RPTOR: variants seen among roughly 807,000 people sequenced by gnomAD.
RPTOR encodes regulatory associated protein of MTOR complex 1, also known as regulatory-associated protein of mTOR.
In RPTOR, 21 loss-of-function variants were observed where a neutral mutation model predicts 169.9. The observed-to-expected ratio is 0.12, with a 90% CI of 0.09 to 0.18. The LOEUF (loss-of-function observed/expected upper bound fraction) is 0.18, where lower values mean the gene tolerates loss of function less well. RPTOR is among the 10% of genes least tolerant of loss of function. RPTOR has a pLI of 1.00. For synonymous variants in RPTOR, 732 were observed against 753.2 expected, an observed-to-expected ratio of 0.97 and a Z score of 0.46; for missense variants, 1,133 against 1,855.9, an observed-to-expected ratio of 0.61 and a Z score of 7.16.
intron 1 of RPTOR, among the ~76,000 whole-genome samples, chr17:80,604,144 G>A (rs2065211432): frequency 6.6e-6 from 1 of 152,176 alleles, no homozygotes; most frequent in African/African-American, 2.4e-5. Context: ...AGCGAATATT[G>A]ACATGTACAT....
intron 1 of RPTOR, among the ~76,000 whole-genome samples, chr17:80,581,101 A>G (rs2065009715): frequency 6.6e-6 from 1 of 152,184 alleles, no homozygotes; most frequent in Non-Finnish European, 1.5e-5. Context: ...GGAAGGCGTG[A>G]TTACTGAGTG....
intron 1 of RPTOR, among the ~76,000 whole-genome samples, chr17:80,595,036 GGA>G (rs34187919): frequency 0.3 from 45,538 of 150,474 alleles, 6,970 homozygotes; most frequent in Middle Eastern, 0.37. Flanking sequence ...GAACAAGAAG[GGA>G]GAGAGAGAGA....
intron 4 of RPTOR, among the ~76,000 whole-genome samples, chr17:80,717,605 G>A (rs2066250387): frequency 6.6e-6 from 1 of 152,168 alleles, no homozygotes; most frequent in South Asian, 2.1e-4. Flanking sequence ...CTGTTGCCGA[G>A]TCTTTCAGCC....
At chr17:80,894,528 C>A (rs1385083381) in intron 20 of RPTOR, among the ~76,000 whole-genome samples, 1 of 152,210 alleles carries the variant, frequency 6.6e-6, no homozygotes, top group Non-Finnish European at 1.5e-5. Context: ...TGCCTGGGTC[C>A]TACCACCAGG....
chr17:80,795,290 G>A (rs1889305738), intron 7 of RPTOR, among the ~76,000 whole-genome samples: 1 of 152,198 alleles, frequency 6.6e-6, no homozygotes, highest in Non-Finnish European at 1.5e-5. Flanking sequence ...GATTGAGTGA[G>A]GATTGAAAAA....
At chr17:80,865,024 T>C (rs1392081156) in intron 13 of RPTOR, among the ~76,000 whole-genome samples, 1 of 152,182 alleles carries the variant, frequency 6.6e-6, no homozygotes, top group Non-Finnish European at 1.5e-5. Flanking sequence ...GCAAAATGCA[T>C]GCTAACAGTA....
At chr17:80,816,984 C>T (rs1408352176) in intron 7 of RPTOR, among the ~76,000 whole-genome samples, 1 of 152,204 alleles carries the variant, frequency 6.6e-6, no homozygotes, top group Non-Finnish European at 1.5e-5. Flanking sequence ...GACACACCCT[C>T]ATAGAGCCTC....
intron 1 of RPTOR, among the ~76,000 whole-genome samples, chr17:80,598,882 T>TCTTTCTATCTATCTA (rs2065164189): frequency 6.8e-6 from 1 of 146,758 alleles, no homozygotes; most frequent in Non-Finnish European, 1.5e-5. Context: ...TCTTGATTCT[T>TCTTTCTATCTATCTA]TCTATCTATC....
rs149212550 is a variant in RPTOR at position 80,545,192 on chromosome 17, G to C, written c.-438G>C. On this transcript the variant is annotated 5_prime_UTR_variant, in exon 1 of 34. Transcript: ENST00000306801. ...CCCGATCCCTTGGCCGGAGACCTCA[G>C]CCCAGTCGGCCCAGTGGGCGAACCG... 4 of 235,404 alleles carry C rather than the reference G, an allele frequency of 1.7e-5. No homozygotes were observed. The highest frequency in any genetic ancestry group is 8.8e-5 in the African/African-American group (4 of 45,416). The allele number at this position is 235,404 out of a possible 1,614,324, so 14.6% of individuals were successfully genotyped here. A position where few individuals can be genotyped will look rare whatever the true frequency, so the allele number is the denominator to read the frequency against.
chr17:80,644,934 T>C (rs1196302065), intron 3 of RPTOR, among the ~76,000 whole-genome samples: 1 of 152,230 alleles, frequency 6.6e-6, no homozygotes, highest in Non-Finnish European at 1.5e-5. Context: ...TTTTGTTCTT[T>C]AGAAGGCAGT....
chr17:80,578,855 G>A (rs1472741863), intron 1 of RPTOR, among the ~76,000 whole-genome samples: 1 of 152,222 alleles, frequency 6.6e-6, no homozygotes, highest in African/African-American at 2.4e-5. Context: ...CCTGGGAGCA[G>A]AAGGAAGCAG....
At chr17:80,635,412 A>G (rs1456792887) in intron 2 of RPTOR, among the ~76,000 whole-genome samples, 1 of 152,198 alleles carries the variant, frequency 6.6e-6, no homozygotes. Flanking sequence ...AGCATTTTCA[A>G]CAAGTGCTTT....
intron 9 of RPTOR, among the ~76,000 whole-genome samples, chr17:80,825,481 G>T (rs541067129): frequency 1.3e-5 from 2 of 152,328 alleles, no homozygotes; most frequent in South Asian, 4.1e-4. Context: ...GAAGGTCCTT[G>T]TCTAGGCCTA....
At chr17:80,929,301 G>C (rs2068847355) in intron 24 of RPTOR, among the ~76,000 whole-genome samples, 1 of 152,208 alleles carries the variant, frequency 6.6e-6, no homozygotes, top group Admixed American at 6.5e-5. Context: ...AAGCACGGGA[G>C]GAGGCTTGGC....
At chr17:80,641,534 C>T (rs2065554092) in intron 2 of RPTOR, among the ~76,000 whole-genome samples, 1 of 152,098 alleles carries the variant, frequency 6.6e-6, no homozygotes, top group Non-Finnish European at 1.5e-5. Context: ...AAAAACTATA[C>T]AGGTGGCTCT....
At chr17:80,804,627 C>A (rs9895714) in intron 7 of RPTOR, 97,881 of 152,114 alleles carry the variant, frequency 0.64, 31,980 homozygotes, top group South Asian at 0.78. Flanking sequence ...CCTTCATTTT[C>A]TAGATGAAGT....
At chr17:80,913,424 T>A (rs182296131) in intron 21 of RPTOR, among the ~76,000 whole-genome samples, 1 of 152,238 alleles carries the variant, frequency 6.6e-6, no homozygotes, top group African/African-American at 2.4e-5. Context: ...TTTAGCTCCC[T>A]TTTCTCTTGG....
chr17:80,822,962 G>A (rs2067398837), intron 8 of RPTOR, 117 bp from the exon 9 acceptor site: 6 of 1,064,614 alleles, frequency 5.6e-6, no homozygotes, highest in Non-Finnish European at 6.9e-6. Flanking sequence ...GCTGATGGGA[G>A]ATATGCATAT....
At chr17:80,907,644 C>A (rs180926640) in intron 20 of RPTOR, among the ~76,000 whole-genome samples, 1 of 143,882 alleles carries the variant, frequency 7.0e-6, no homozygotes, top group African/African-American at 2.4e-5. Flanking sequence ...CCTGCCCCCC[C>A]TTCTGGTTTC....
Sources: allele counts gnomAD v4.1 joint callset (sites outside exome capture counted in the v4.1 genomes callset), GRCh38; gene constraint gnomAD v4.1.1; transcripts MANE v1.5; gene names NCBI Gene and HGNC (gene_info 2026-07-23, HGNC 2026-07-21).